Variants in ATP13A3 observed in about 807,000 individuals in gnomAD.
ATP13A3 encodes ATPase 13A3, also known as polyamine-transporting ATPase 13A3.
A neutral mutation model predicts 158.1 loss-of-function variants in ATP13A3; 59 were observed. The ratio of observed to expected loss-of-function variants is 0.37; its 90% confidence interval spans 0.30 to 0.46. The LOEUF is 0.46. ATP13A3 is among the 20% of genes least tolerant of loss of function. The pLI, the probability that ATP13A3 is intolerant of heterozygous loss-of-function variation, is 1.00. For synonymous variants in ATP13A3, 491 were observed against 504.3 expected (o/e 0.97, Z 0.35); for missense variants, 1,166 against 1,525.2 (o/e 0.76, Z 3.92).
intron 8 of ATP13A3, among the ~76,000 whole-genome samples, chr3:194,455,377 T>C (rs913424994): frequency 8.5e-5 from 13 of 152,082 alleles, no homozygotes; most frequent in African/African-American, 3.1e-4. Flanking sequence ...TCATTTTACC[T>C]CAAAACCAAA....
At chr3:194,433,193 GGAGTC>G (rs1255447723) in intron 21 of ATP13A3, among the ~76,000 whole-genome samples, 1 of 147,332 alleles carries the variant, frequency 6.8e-6, no homozygotes, top group African/African-American at 2.5e-5. Flanking sequence ...AAAACAAAAA[GGAGTC>G]AAGTTTAAAT....
Position 194,448,744 on chromosome 3 carries a change from G to T in ATP13A3, c.971-108C>A. The T allele has an allele frequency of 9.0e-7, 1 of 1,112,312 alleles. No homozygotes were observed. The allele number at this position is 1,112,312 out of a possible 1,614,324, so 68.9% of individuals were successfully genotyped here. ...TATTAAATTGTTAAATATTTTAAAT[G>T]CTACCATACTGTTTACAATAATCAC... On this transcript the variant is annotated intron_variant, in intron 11 of 33. Transcript: ENST00000645319. This position sits in a 1 kb window ranked among gnomAD's most constrained non-coding sequence, Gnocchi z 4.0.
chr3:194,487,026 T>C (rs567871175), upstream of ATP13A3: 91 of 147,436 alleles, frequency 6.2e-4, 1 homozygote, highest in Middle Eastern at 7.1e-3. Flanking sequence ...TGAGGTCACG[T>C]GGTGGCTTCA....
At chr3:194,440,874 G>A (rs1307331934) in intron 16 of ATP13A3, among the ~76,000 whole-genome samples, 2 of 152,164 alleles carry the variant, frequency 1.3e-5, no homozygotes, top group Non-Finnish European at 2.9e-5. Context: ...AAAATAGAAG[G>A]AAGTTATAAA....
rs1717238807 is a variant in ATP13A3, at chr3:194,431,745, C to A, written c.2393G>T (p.Cys798Phe). The A allele has an allele frequency of 4.4e-6, 7 of 1,604,246 alleles. No homozygotes were observed. Among genetic ancestry groups the A allele is most frequent in the Non-Finnish European group, 6.0e-6 (7 of 1,176,106 alleles). Residue 798 changes from cysteine (C) to phenylalanine (F), a missense_variant, in exon 22 of 34, where the codon TGC becomes TTC. By Grantham distance (205) the Cys-to-Phe change is radical. Transcript: ENST00000645319. Reference protein sequence around the residue: ...NWHYADSLTQCSHPSAIDPEA... With the variant: ...NWHYADSLTQFSHPSAIDPEA... ...TGGGTCAATTGCTGATGGATGACTG[C>A]ACTGCGTGAGGGAGTCTGCATAATG...
Position 194,429,703 on chromosome 3 carries a change from T to TA in ATP13A3, c.2848dup (p.Tyr950LeufsTer13). ...AGAATACAGCAGAGTAACACTGAAG[T>TA]ACTGGATAATGCTGTACAATGCCAT... On this transcript the variant is annotated frameshift_variant, in exon 27 of 34. Coordinates refer to ENST00000645319, the MANE Select transcript of ATP13A3 (RefSeq NM_001367549.1). LOFTEE classifies it high-confidence loss of function. 6.2e-7 allele frequency: 1 copy of TA among 1,612,828 alleles called. No homozygotes were observed. Among genetic ancestry groups the TA allele is most frequent in the Non-Finnish European group, 8.5e-7 (1 of 1,178,906 alleles).
intron 27 of ATP13A3, 136 bp from the exon 28 acceptor site, chr3:194,429,053 T>C (rs1717022900): frequency 2.0e-6 from 1 of 512,114 alleles, no homozygotes; most frequent in Non-Finnish European, 3.5e-6. Flanking sequence ...AAAATTGAAA[T>C]ATAAGTGTCT....
At chr3:194,423,345 C>CTT (rs1716523412) in intron 30 of ATP13A3, among the ~76,000 whole-genome samples, 1 of 152,194 alleles carries the variant, frequency 6.6e-6, no homozygotes, top group Non-Finnish European at 1.5e-5. Context: ...CTTCAAAATA[C>CTT]TTTTAATATA....
chr3:194,467,943 A>G (rs1452671889), intron 2 of ATP13A3: 1 of 152,206 alleles, frequency 6.6e-6, no homozygotes, highest in Non-Finnish European at 1.5e-5. Context: ...CAAATTCGAT[A>G]TCAGAGAAAA....
chr3:194,484,554 C>T (rs1289376659), intron 2 of ATP13A3, among the ~76,000 whole-genome samples: 4 of 147,314 alleles, frequency 2.7e-5, no homozygotes, highest in South Asian at 2.1e-4. Context: ...GTGATGGGGA[C>T]GCCCTATGGA....
At chr3:194,460,014 G>C (rs4974521) in intron 4 of ATP13A3, 43 bp from the exon 5 acceptor site, 5 of 1,438,564 alleles carry the variant, frequency 3.5e-6, no homozygotes, top group African/African-American at 1.4e-5. Context: ...CAATTTTATA[G>C]AAAACTGCCT....
intron 33 of ATP13A3, among the ~76,000 whole-genome samples, chr3:194,409,255 G>A (rs999476539): frequency 3.9e-5 from 6 of 152,146 alleles, no homozygotes; most frequent in African/African-American, 7.2e-5. Context: ...TTATAATGGC[G>A]CTGTGGTTTT....
In ATP13A3 at chr3:194,448,100, CAG is replaced by C. The variant is rs769189611; in HGVS notation, c.1151-93_1151-92del. 3 of 1,233,140 alleles carry C rather than the reference CAG, an allele frequency of 2.4e-6. No homozygotes were observed. The highest frequency in any genetic ancestry group is 1.3e-5 in the South Asian group (1 of 76,344). The allele number at this position is 1,233,140 out of a possible 1,614,324, so 76.4% of individuals were successfully genotyped here. ...AATCTCTCTTTTTTTTTTTTTGAGA[CAG>C]AGTCTCGCTCTGTCACCCAGGCTGG... is the stretch of plus-strand genomic sequence containing the variant. On this transcript the variant is annotated intron_variant, in intron 12 of 33. Transcript: ENST00000645319. The surrounding 1 kb of genome is among the most constrained non-coding windows in gnomAD (Gnocchi z 4.0).
At chr3:194,470,605 T>C (rs1720257437) in intron 2 of ATP13A3, among the ~76,000 whole-genome samples, 1 of 152,230 alleles carries the variant, frequency 6.6e-6, no homozygotes, top group Non-Finnish European at 1.5e-5. Flanking sequence ...AAAATATCAT[T>C]TATATGCAAT....
At chr3:194,462,622 T>C (rs552699170) in intron 2 of ATP13A3, among the ~76,000 whole-genome samples, 2 of 152,338 alleles carry the variant, frequency 1.3e-5, no homozygotes, top group Non-Finnish European at 2.9e-5. Context: ...GCCAAAAAGG[T>C]TGGGGACCAC....
chr3:194,427,134 A>C lies in ATP13A3; in HGVS notation c.3066T>G (p.Ser1022=). The part of the protein sequence containing the change: ...SQIIICIGFQ[S]LGFFWVKQQP... ...GCTGTTTGACCCAAAAAAAACCCAA[A>C]GATTGAAATCCAATGCAGATGATAA... The change falls in exon 29 of 34, where the codon TCT becomes TCG. Residue 1022 remains serine, a synonymous_variant. Coordinates refer to ENST00000645319, the MANE Select transcript of ATP13A3 (RefSeq NM_001367549.1). The C allele has an allele frequency of 1.2e-6, 2 of 1,613,986 alleles. No homozygotes were observed. The highest frequency in any genetic ancestry group is 1.7e-6 in the Non-Finnish European group (2 of 1,179,986).
At chr3:194,463,289 C>CT (rs34171479) in intron 2 of ATP13A3, among the ~76,000 whole-genome samples, 6,509 of 138,016 alleles carry the variant, frequency 0.047, 326 homozygotes, top group African/African-American at 0.13. Flanking sequence ...CATATTTTTC[C>CT]TTTTTTTTTT....
At chr3:194,489,612 T>C (rs542174069), upstream of ATP13A3, among the ~76,000 whole-genome samples, 1 of 152,138 alleles carries the variant, frequency 6.6e-6, no homozygotes, top group Non-Finnish European at 1.5e-5. The surrounding 1 kb of genome is among the most constrained non-coding windows in gnomAD (Gnocchi z 4.1). Flanking sequence ...AGCATGAACC[T>C]GTCAACGCGT....
chr3:194,410,296 CAAAAAAAAAA>C (rs772008929), intron 33 of ATP13A3, among the ~76,000 whole-genome samples: 35 of 21,820 alleles, frequency 1.6e-3, no homozygotes, highest in East Asian at 1.5e-3. Context: ...CTCCTCTCTG[CAAAAAAAAAA>C]AAAAAAAAAA....
Sources: allele counts gnomAD v4.1 joint callset (sites outside exome capture counted in the v4.1 genomes callset), GRCh38; gene constraint gnomAD v4.1.1; non-coding constraint Gnocchi (gnomAD v3.1); transcripts MANE v1.5; gene names NCBI Gene and HGNC (gene_info 2026-07-23, HGNC 2026-07-21).